GRIK2: variants seen among roughly 807,000 people sequenced by gnomAD.
GRIK2 encodes glutamate receptor ionotropic, kainate 2.
In GRIK2, 32 loss-of-function variants were observed where a neutral mutation model predicts 100.3. The observed-to-expected ratio is 0.32, with a 90% confidence interval of 0.24 to 0.43. GRIK2 has a LOEUF of 0.43. Among genes scored for constraint, GRIK2 ranks in the 20% least tolerant of loss-of-function variants. The pLI is 1.00. For missense variants in GRIK2, 843 were observed against 1,114.9 expected (o/e 0.76, Z 3.47); for synonymous variants, 417 against 389.4 (o/e 1.07, Z -0.83).
At chr6:101,711,009 A>G (rs1459607497) in intron 7 of GRIK2, among the ~76,000 whole-genome samples, 1 of 151,766 alleles carries the variant, frequency 6.6e-6, no homozygotes, top group Non-Finnish European at 1.5e-5. Context: ...ACCTTGCTGA[A>G]GTGGCTGTGT....
chr6:101,810,475 G>A (rs1781259508), intron 9 of GRIK2, among the ~76,000 whole-genome samples: 1 of 152,032 alleles, frequency 6.6e-6, no homozygotes, highest in African/African-American at 2.4e-5. Context: ...CTAGTTGAGA[G>A]TTTCAGGACG....
chr6:101,782,568 A>T (rs559129597), intron 7 of GRIK2, among the ~76,000 whole-genome samples: 1 of 152,196 alleles, frequency 6.6e-6, no homozygotes, highest in Non-Finnish European at 1.5e-5. Flanking sequence ...ATGATGTTCT[A>T]TTGTGTATAT....
At chr6:101,879,753 C>T (rs1025050081) in intron 11 of GRIK2, among the ~76,000 whole-genome samples, 1 of 151,546 alleles carries the variant, frequency 6.6e-6, no homozygotes, top group Non-Finnish European at 1.5e-5. Context: ...AAATAAGTAG[C>T]CCCAGAACTC....
chr6:101,702,720 G>T (rs1331160615), intron 7 of GRIK2, among the ~76,000 whole-genome samples: 2 of 151,816 alleles, frequency 1.3e-5, no homozygotes, highest in Non-Finnish European at 2.9e-5. Context: ...TAGGTGTGGG[G>T]AAGGCCCTTT....
intron 2 of GRIK2, among the ~76,000 whole-genome samples, chr6:101,411,906 A>G (rs1269651031): frequency 6.6e-6 from 1 of 152,060 alleles, no homozygotes; most frequent in East Asian, 1.9e-4. Context: ...TCCCACACTA[A>G]AGGATCCCCT....
intron 10 of GRIK2, among the ~76,000 whole-genome samples, chr6:101,832,334 A>T (rs1433361928): frequency 1.3e-5 from 2 of 152,154 alleles, no homozygotes; most frequent in Admixed American, 1.3e-4. Context: ...CTAAGAAAAA[A>T]ACCCCAAAAC....
At chr6:101,963,505 C>A (rs1373276568) in intron 14 of GRIK2, among the ~76,000 whole-genome samples, 58 of 89,804 alleles carry the variant, frequency 6.5e-4, no homozygotes, top group African/African-American at 2.8e-3. Context: ...TTCTTTCTTT[C>A]TTTCTTTTTT....
At chr6:101,830,650 A>G (rs1233955535) in intron 10 of GRIK2, among the ~76,000 whole-genome samples, 3 of 151,794 alleles carry the variant, frequency 2.0e-5, no homozygotes, top group Non-Finnish European at 2.9e-5. Context: ...GCAAATCAAA[A>G]CCACAGTGAG....
chr6:101,600,717 A>G (rs1190082601), intron 2 of GRIK2, among the ~76,000 whole-genome samples: 2 of 151,604 alleles, frequency 1.3e-5, no homozygotes, highest in South Asian at 4.2e-4. Flanking sequence ...CAGCTTGAAC[A>G]TTATTGGTGT....
chr6:101,774,217 A>G (rs971465859), intron 7 of GRIK2, among the ~76,000 whole-genome samples: 1 of 152,196 alleles, frequency 6.6e-6, no homozygotes, highest in Non-Finnish European at 1.5e-5. Context: ...TTAGAAAAAA[A>G]TCACAGTCTG....
intron 2 of GRIK2, among the ~76,000 whole-genome samples, chr6:101,422,414 A>G (rs1776453217): frequency 1.3e-5 from 2 of 152,262 alleles, no homozygotes; most frequent in Admixed American, 1.3e-4. Context: ...TACATGAATA[A>G]TTCATTTTAC....
In GRIK2 at chr6:101,802,091, A is replaced by G. The variant is rs182651677; in HGVS notation, c.1096-240A>G. Among the ~76,000 whole-genome samples, 16 of 152,034 alleles carry G rather than the reference A, an allele frequency of 1.1e-4. No individual in the cohort carries two copies. The East Asian group carries it at 2.9e-3, about 28-fold the overall frequency. On this transcript the variant is annotated intron_variant, in intron 8 of 16. Transcript: ENST00000369134. ...TAATAATACAATGTCTCCTAGACAG[A>G]AAATTGTAACTGGAAAATGCATTGT... is the stretch of plus-strand genomic sequence containing the variant.
At chr6:101,941,882 A>G (rs1436501516) in intron 14 of GRIK2, among the ~76,000 whole-genome samples, 1 of 152,140 alleles carries the variant, frequency 6.6e-6, no homozygotes, top group Non-Finnish European at 1.5e-5. Context: ...AGTATACAAT[A>G]TGAGAAACTG....
chr6:101,670,553 T>A (rs1309034641), intron 4 of GRIK2, among the ~76,000 whole-genome samples: 2 of 152,142 alleles, frequency 1.3e-5, no homozygotes, highest in African/African-American at 4.8e-5. Flanking sequence ...AAAAACTATT[T>A]GTGGACATTA....
chr6:101,469,175 C>T (rs1010600843), intron 2 of GRIK2, among the ~76,000 whole-genome samples: 1 of 151,966 alleles, frequency 6.6e-6, no homozygotes, highest in African/African-American at 2.4e-5. Flanking sequence ...GTGGTTTGTT[C>T]AAAAATATCA....
chr6:101,578,410 T>C (rs1777889187), intron 2 of GRIK2, among the ~76,000 whole-genome samples: 3 of 152,126 alleles, frequency 2.0e-5, no homozygotes, highest in African/African-American at 7.2e-5. Flanking sequence ...TTCATTTTGT[T>C]TGAGTCTCAG....
chr6:101,686,685 A>T (rs963391175), intron 7 of GRIK2, among the ~76,000 whole-genome samples: 1 of 152,080 alleles, frequency 6.6e-6, no homozygotes, highest in Admixed American at 6.6e-5. Flanking sequence ...TATCCTTCTG[A>T]TCTTACCTAT....
intron 2 of GRIK2, among the ~76,000 whole-genome samples, chr6:101,567,367 C>T (rs1024607741): frequency 4.0e-5 from 6 of 151,856 alleles, no homozygotes; most frequent in Admixed American, 3.3e-4. Context: ...AAGATAAATG[C>T]CATATTAACT....
intron 14 of GRIK2, among the ~76,000 whole-genome samples, chr6:101,967,835 A>G (rs1792785775): frequency 6.6e-6 from 1 of 152,074 alleles, no homozygotes; most frequent in Non-Finnish European, 1.5e-5. Flanking sequence ...GAAAACCAAA[A>G]TCTTAGTCAT....
Sources: allele counts gnomAD v4.1 joint callset (sites outside exome capture counted in the v4.1 genomes callset), GRCh38; gene constraint gnomAD v4.1.1; transcripts MANE v1.5; gene names NCBI Gene and HGNC (gene_info 2026-07-23, HGNC 2026-07-21).